Variants in LHFPL3 observed in about 807,000 individuals in gnomAD.
LHFPL3 encodes the protein LHFPL tetraspan subfamily member 3, also known as LHFPL tetraspan subfamily member 3 protein.
LHFPL3 carries 5 observed loss-of-function variants against 19.3 expected under a neutral mutation model. The ratio of observed to expected loss-of-function variants is 0.26; its 90% CI spans 0.14 to 0.54. LHFPL3 has a LOEUF of 0.54. LHFPL3 is among the 20% of genes least tolerant of loss of function. The probability of loss-of-function intolerance (pLI) is 0.94; values close to 1 mark genes in which losing one functional copy is unlikely to be tolerated. For synonymous variants in LHFPL3, 133 were observed against 126.2 expected (o/e 1.05, Z -0.36); for missense variants, 249 against 307.4 (o/e 0.81, Z 1.42).
chr7:104,714,917 A>C lies in LHFPL3; in HGVS notation c.446-21758A>C, dbSNP rs553346285. ...GCACACATGTGTACATGCTCACTCT[A>C]TATATATATACACATATATACATAT... On this transcript the variant is annotated intron_variant, in intron 1 of 2. Transcript: ENST00000424859. Among the ~76,000 whole-genome samples, 203 of 152,048 alleles carry C rather than the reference A, an allele frequency of 1.3e-3. No individual in the cohort carries two copies. The South Asian group carries it at 0.029, about 22-fold the overall frequency.
chr7:104,603,121 T>C (rs1268326080), intron 1 of LHFPL3, among the ~76,000 whole-genome samples: 62 of 134,602 alleles, frequency 4.6e-4, no homozygotes, highest in African/African-American at 1.8e-3. Context: ...TTTCTTTCTT[T>C]CTTTCTTTCT....
At chr7:104,716,392 G>A (rs1039051470) in intron 1 of LHFPL3, among the ~76,000 whole-genome samples, 2 of 151,286 alleles carry the variant, frequency 1.3e-5, no homozygotes, top group Non-Finnish European at 2.9e-5. Context: ...AATTTTCCTT[G>A]TTTGCAGTTG....
chr7:104,878,169 A>G (rs376251782), intron 2 of LHFPL3, among the ~76,000 whole-genome samples: 51 of 152,274 alleles, frequency 3.3e-4, no homozygotes, highest in African/African-American at 1.0e-3. Flanking sequence ...CCAAAGATGG[A>G]AACAGCCAAA....
At chr7:104,599,554 G>A (rs527433236) in intron 1 of LHFPL3, among the ~76,000 whole-genome samples, 2 of 152,114 alleles carry the variant, frequency 1.3e-5, no homozygotes, top group African/African-American at 4.8e-5. Context: ...TGTCTTCCTC[G>A]TTCATTGAAT....
At chr7:104,798,109 G>A (rs888394580) in intron 2 of LHFPL3, among the ~76,000 whole-genome samples, 1 of 152,172 alleles carries the variant, frequency 6.6e-6, no homozygotes, top group Admixed American at 6.5e-5. Context: ...AGGTGCGCAA[G>A]TATGTCCTAG....
chr7:104,721,625 G>C (rs1279566178), intron 1 of LHFPL3, among the ~76,000 whole-genome samples: 1 of 152,056 alleles, frequency 6.6e-6, no homozygotes, highest in Admixed American at 6.6e-5. Flanking sequence ...CTACTCCTAA[G>C]GTAGGGAAAG....
In LHFPL3 at chr7:104,346,226, G is replaced by C. The variant is rs548156080; in HGVS notation, c.445+17002G>C. Reference sequence around the variant, plus strand: ...AATTTTTGTATTTTTAGTAGAGATGGGGTTTTGGCATGTTGGCCAGGCTGG... The same window carrying C: ...AATTTTTGTATTTTTAGTAGAGATGCGGTTTTGGCATGTTGGCCAGGCTGG... On this transcript the variant is annotated intron_variant, in intron 1 of 2. Coordinates refer to ENST00000424859, the MANE Select transcript of LHFPL3 (RefSeq NM_199000.3). Among the ~76,000 whole-genome samples, 460 of 151,798 alleles carry C rather than the reference G, an allele frequency of 3.0e-3. 4 individuals carry two copies. Among genetic ancestry groups the C allele is most frequent in the Non-Finnish European group, 3.6e-3 (247 of 67,906 alleles).
Position 104,908,079 on chromosome 7 carries a change from T to C in LHFPL3, c.*1864T>C, listed in dbSNP as rs949426119. 3.9e-5 allele frequency among the ~76,000 whole-genome samples: 6 copies of C among 152,192 alleles called. No homozygotes were observed. The highest frequency in any genetic ancestry group is 7.3e-5 in the Non-Finnish European group (5 of 68,028). ...CACACAACTTTTCAAGAATTCGTAT[T>C]TTATTTGAAGGGAGGTACCTGTCTA... On this transcript the variant is annotated 3_prime_UTR_variant, in exon 3 of 3. Transcript: ENST00000424859.
At chr7:104,759,181 G>A (rs774340309) in intron 2 of LHFPL3, among the ~76,000 whole-genome samples, 2 of 152,174 alleles carry the variant, frequency 1.3e-5, no homozygotes, top group Admixed American at 6.5e-5. Flanking sequence ...GAATGTCTGA[G>A]GGGCTAAGCA....
intron 1 of LHFPL3, among the ~76,000 whole-genome samples, chr7:104,507,173 A>G (rs910791299): frequency 1.3e-5 from 2 of 152,106 alleles, no homozygotes; most frequent in African/African-American, 4.8e-5. Context: ...CAAAAGAACA[A>G]AGCTGGAGGC....
chr7:104,769,853 TA>T (rs66697752), intron 2 of LHFPL3, among the ~76,000 whole-genome samples: 108,450 of 151,940 alleles, frequency 0.71, 39,022 homozygotes, highest in East Asian at 0.82. Context: ...TATGCAGCCA[TA>T]AAAAAAGGAT....
chr7:104,328,831 G>T lies in LHFPL3; in HGVS notation c.52G>T (p.Ala18Ser). The T allele has an allele frequency of 2.5e-6, 4 of 1,613,410 alleles. No homozygotes were observed. Among genetic ancestry groups the T allele is most frequent in the Non-Finnish European group, 3.4e-6 (4 of 1,179,714 alleles). Residue 18 changes from alanine (A) to serine (S), a missense_variant, in exon 1 of 3, where the codon GCT becomes TCT. Ala to Ser is a moderately conservative substitution (Grantham distance 99). Coordinates refer to ENST00000424859, the MANE Select transcript of LHFPL3 (RefSeq NM_199000.3). This position sits in a 1 kb window ranked among gnomAD's most constrained non-coding sequence, Gnocchi z 4.6. ...CGCCGCCGCCGCCGCGATGCTCCCG[G>T]CTCAGGAGGCTGCCAAGCTGTACCA... is the stretch of plus-strand genomic sequence containing the variant. ...AAAAAAAMLP[A>S]QEAAKLYHTN...
chr7:104,880,146 C>T (rs1403840083), intron 2 of LHFPL3, among the ~76,000 whole-genome samples: 1 of 152,042 alleles, frequency 6.6e-6, no homozygotes, highest in East Asian at 1.9e-4. Flanking sequence ...GGAGGTGGGG[C>T]CTTAGTGGGA....
chr7:104,475,980 G>A (rs1224310821), intron 1 of LHFPL3, among the ~76,000 whole-genome samples: 1 of 145,688 alleles, frequency 6.9e-6, no homozygotes, highest in Non-Finnish European at 1.5e-5. Flanking sequence ...GTCTATTTTA[G>A]AAATGATTTT....
chr7:104,755,255 G>A (rs1794260471), intron 2 of LHFPL3, among the ~76,000 whole-genome samples: 1 of 151,886 alleles, frequency 6.6e-6, no homozygotes, highest in Non-Finnish European at 1.5e-5. Context: ...TCTCTGCTAT[G>A]TCACATTTGC....
chr7:104,610,980 T>C (rs116563609), intron 1 of LHFPL3, among the ~76,000 whole-genome samples: 1 of 152,196 alleles, frequency 6.6e-6, no homozygotes, highest in Non-Finnish European at 1.5e-5. Context: ...CACAGTAGCA[T>C]GAATCGGTTG....
intron 2 of LHFPL3, among the ~76,000 whole-genome samples, chr7:104,795,477 A>G (rs920395857): frequency 6.6e-6 from 1 of 152,200 alleles, no homozygotes; most frequent in African/African-American, 2.4e-5. Flanking sequence ...GTATGCCTCA[A>G]TTGTATTAGG....
At chr7:104,717,246 CA>C (rs1348241996) in intron 1 of LHFPL3, among the ~76,000 whole-genome samples, 1 of 151,932 alleles carries the variant, frequency 6.6e-6, no homozygotes, top group African/African-American at 2.4e-5. Context: ...TTAGTCTTGG[CA>C]ATGATTTTAT....
intron 2 of LHFPL3, among the ~76,000 whole-genome samples, chr7:104,850,510 C>A (rs1172720614): frequency 1.3e-5 from 2 of 152,120 alleles, no homozygotes; most frequent in Non-Finnish European, 2.9e-5. Context: ...CCTAGACAGA[C>A]AGAAAACAAG....
Sources: allele counts gnomAD v4.1 joint callset (sites outside exome capture counted in the v4.1 genomes callset), GRCh38; gene constraint gnomAD v4.1.1; non-coding constraint Gnocchi (gnomAD v3.1); transcripts MANE v1.5; gene names NCBI Gene and HGNC (gene_info 2026-07-23, HGNC 2026-07-21).